DNMT3B: variants seen among roughly 807,000 people sequenced by gnomAD.
DNMT3B encodes DNA (cytosine-5)-methyltransferase 3B.
Under a neutral mutation model 120.2 loss-of-function variants are expected in DNMT3B, and 37 were observed. The ratio of observed to expected loss-of-function variants is 0.31; its 90% confidence interval spans 0.24 to 0.40. The LOEUF (loss-of-function observed/expected upper bound fraction) is 0.40, where lower values mean the gene tolerates loss of function less well. DNMT3B is among the 10% of genes least tolerant of loss of function. The pLI, the probability that DNMT3B is intolerant of heterozygous loss-of-function variation, is 1.00. For missense variants in DNMT3B, 878 were observed against 1,137.3 expected (o/e 0.77, Z 3.28); for synonymous variants, 412 against 442.8 (o/e 0.93, Z 0.87).
At chr20:32,787,085 G>C (rs1664028467) in intron 5 of DNMT3B, 145 bp from the exon 6 acceptor site, 5 of 949,068 alleles carry the variant, frequency 5.3e-6, no homozygotes, top group Non-Finnish European at 8.4e-6. Flanking sequence ...ACGTGTTCCT[G>C]GAAAAGTTTC....
rs1980546839 is a variant in DNMT3B, at chr20:32,795,750, C to A, written c.1297+56C>A. 7.5e-6 allele frequency: 12 copies of A among 1,604,768 alleles called. No individual in the cohort carries two copies. In the South Asian group the frequency reaches 1.3e-4, roughly 18 times the overall value. On this transcript the variant is annotated intron_variant, in intron 12 of 22. Transcript: ENST00000328111. ...TCACACCCTGGCTAGGGCTCTAGGC[C>A]TGCCTTGTCCTGGCTCATCCACCCT... is the stretch of plus-strand genomic sequence containing the variant.
chr20:32,786,397 G>A (rs1272789668), intron 4 of DNMT3B, 105 bp from the exon 5 acceptor site: 2 of 1,528,906 alleles, frequency 1.3e-6, no homozygotes, highest in Non-Finnish European at 1.8e-6. Flanking sequence ...CCTGAAGCTG[G>A]CTACCAGGTC....
rs771313778 is a variant in DNMT3B at position 32,798,516 on chromosome 20, C to T, written c.1547C>T (p.Ala516Val). Residue 516 changes from alanine (A) to valine (V), a missense_variant, in exon 15 of 23, where the codon GCC (alanine) becomes GTC (valine). By Grantham distance (64) the Ala-to-Val change is moderately conservative. This residue lies in a region of DNMT3B where 334 missense variants were observed against 518.8 expected (regional missense o/e 0.64). Coordinates refer to ENST00000328111, the MANE Select transcript of DNMT3B (RefSeq NM_006892.4). ...VLVGTGTAAE[A>V]KLQEPWSCYM... ...GTGGGCACAGGCACAGCGGCCGAGG[C>T]CAAGCTTCAGGAGCCCTGGAGCTGT... is the stretch of plus-strand genomic sequence containing the variant. 1 of 1,614,092 alleles carries T rather than the reference C, an allele frequency of 6.2e-7. No homozygotes were observed.
chr20:32,795,834 C>A, intron 12 of DNMT3B, 140 bp downstream of exon 12: 1 of 1,098,922 alleles, frequency 9.1e-7, no homozygotes, highest in Non-Finnish European at 1.3e-6. Flanking sequence ...ATTTCTGGAC[C>A]CTGCATCTTA....
intron 3 of DNMT3B, among the ~76,000 whole-genome samples, chr20:32,782,660 C>G (rs912265796): frequency 2.0e-5 from 3 of 152,152 alleles, no homozygotes; most frequent in African/African-American, 7.2e-5. Context: ...TGTAATTGCT[C>G]TATTTTATTA....
chr20:32,786,874 C>T (rs1435031826), intron 5 of DNMT3B, among the ~76,000 whole-genome samples: 6 of 152,228 alleles, frequency 3.9e-5, no homozygotes, highest in African/African-American at 1.2e-4. Context: ...GGTTCTTGCT[C>T]TAACTTGGAA....
rs4911263 is a variant in DNMT3B at position 32,805,997 on chromosome 20, T to C, written c.2302-212T>C. Among the ~76,000 whole-genome samples, 120,987 of 151,934 alleles carry C rather than the reference T, an allele frequency of 0.8. 49,161 individuals are homozygous for C. Among genetic ancestry groups the C allele is most frequent in the East Asian group, 0.99 (5,131 of 5,158 alleles). The stretch of plus-strand genomic sequence containing the variant: ...GTGGGAAGCACAAAATGTTCTTGTC[T>C]CTCCAACTCTGCTTTTCGCTCCCTG... On this transcript the variant is annotated intron_variant, in intron 21 of 22. Transcript: ENST00000328111.
intron 20 of DNMT3B, among the ~76,000 whole-genome samples, chr20:32,804,111 G>C (rs6119967): frequency 0.073 from 11,093 of 152,238 alleles, 1,229 homozygotes; most frequent in African/African-American, 0.24. Flanking sequence ...TTCAACATAT[G>C]TGGAGGGTAG....
intron 16 of DNMT3B, among the ~76,000 whole-genome samples, chr20:32,799,821 C>G (rs1434458248): frequency 6.6e-6 from 1 of 152,226 alleles, no homozygotes; most frequent in East Asian, 1.9e-4. Flanking sequence ...CCTGGGCAGT[C>G]TTGGTCATTT....
intron 17 of DNMT3B, 147 bp from the exon 18 acceptor site, chr20:32,800,688 A>T: frequency 1.1e-6 from 1 of 890,398 alleles, no homozygotes; most frequent in Non-Finnish European, 1.9e-6. Context: ...CGAACTCCTG[A>T]CCTCAGGTAA....
intron 6 of DNMT3B, among the ~76,000 whole-genome samples, chr20:32,788,025 A>C (rs567379125): frequency 1.2e-4 from 18 of 152,292 alleles, no homozygotes; most frequent in Admixed American, 9.8e-4. Context: ...ACTTAAGGCA[A>C]GGACCGGCCA....
At position 32,784,791 on chromosome 20, in the gene DNMT3B, G is replaced by T. The variant is rs755581749; in HGVS notation, c.238G>T (p.Asp80Tyr). The T allele has an allele frequency of 1.2e-6, 2 of 1,614,014 alleles. No individual in the cohort carries two copies. The highest frequency in any genetic ancestry group is 1.7e-6 in the Non-Finnish European group (2 of 1,180,042). Reference sequence around the variant, plus strand: ...AGGCGATGGCGACGGGGAAGATGGGGATGGCTCTGACACCCCAGTCATGCC... The same window carrying T: ...AGGCGATGGCGACGGGGAAGATGGGTATGGCTCTGACACCCCAGTCATGCC... The part of the protein sequence containing the change: ...LTGDGDGEDG[D>Y]GSDTPVMPKL... Residue 80 changes from aspartate (D) to tyrosine (Y), a missense_variant, in exon 4 of 23, where the codon GAT becomes TAT. By Grantham distance (160) the Asp-to-Tyr change is radical. Coordinates refer to ENST00000328111, the MANE Select transcript of DNMT3B (RefSeq NM_006892.4).
At chr20:32,764,938 C>T (rs181418880) in intron 1 of DNMT3B, among the ~76,000 whole-genome samples, 2 of 152,304 alleles carry the variant, frequency 1.3e-5, no homozygotes, top group African/African-American at 4.8e-5. Context: ...GCGCCTGTCG[C>T]CCCTCATTAT....
At chr20:32,764,647 C>T (rs1335590468) in intron 1 of DNMT3B, among the ~76,000 whole-genome samples, 2 of 152,200 alleles carry the variant, frequency 1.3e-5, no homozygotes, top group African/African-American at 4.8e-5. Context: ...GCCCTCCCGG[C>T]CACGCATGGG....
chr20:32,773,942 T>TTTTTG (rs1555833850), intron 1 of DNMT3B, among the ~76,000 whole-genome samples: 2 of 142,618 alleles, frequency 1.4e-5, no homozygotes, highest in East Asian at 4.1e-4. Flanking sequence ...TGGTTTTTTT[T>TTTTTG]TTTTTTTTTT....
intron 1 of DNMT3B, among the ~76,000 whole-genome samples, chr20:32,772,873 C>CGTTTTTT (rs1568822680): frequency 1.0e-5 from 1 of 97,584 alleles, no homozygotes; most frequent in African/African-American, 5.1e-5. Context: ...TGTTTGGACA[C>CGTTTTTT]ATTTTTTTTT....
At position 32,786,482 on chromosome 20, in the gene DNMT3B, G is replaced by A. The variant is rs760264364; in HGVS notation, c.307-20G>A. 8 of 1,613,834 alleles carry A rather than the reference G, an allele frequency of 5.0e-6. No homozygotes were observed. The South Asian group carries it at 7.7e-5, about 16-fold the overall frequency. On this transcript the variant is annotated intron_variant, in intron 4 of 22. Coordinates refer to ENST00000328111, the MANE Select transcript of DNMT3B (RefSeq NM_006892.4). ...CCTCCAGTCACCTAAGGCCCAGTGA[G>A]TGTCCTCTCTTGCTTCTAGGTCCGA...
chr20:32,768,474 G>A (rs11699834), intron 1 of DNMT3B, among the ~76,000 whole-genome samples: 27,464 of 152,120 alleles, frequency 0.18, 2,664 homozygotes, highest in South Asian at 0.3. Flanking sequence ...TTACAGGCAT[G>A]AGCCTCTGTG....
Position 32,784,783 on chromosome 20 carries a change from A to C in DNMT3B, c.230A>C (p.Glu77Ala). Residue 77 changes from glutamate (E) to alanine (A), a missense_variant, in exon 4 of 23, where the codon GAA becomes GCA. Glu to Ala is a moderately radical substitution (Grantham distance 107, BLOSUM62 -1). This residue lies in a region of DNMT3B where 287 missense variants were observed against 306.2 expected (regional missense o/e 0.94). Transcript: ENST00000328111. ...TQDLTGDGDG[E>A]DGDGSDTPVM... ...GACTTGACAGGCGATGGCGACGGGG[A>C]AGATGGGGATGGCTCTGACACCCCA... 6.2e-7 allele frequency: 1 copy of C among 1,614,082 alleles called. No individual in the cohort carries two copies. The highest frequency in any genetic ancestry group is 8.5e-7 in the Non-Finnish European group (1 of 1,180,008).
Sources: gnomAD v4.1 joint callset for allele counts (sites outside exome capture counted in the v4.1 genomes callset) on GRCh38, gnomAD v4.1.1 for gene constraint, gnomAD v4.1.1 regional missense constraint, MANE v1.5 for transcripts, NCBI Gene and HGNC (gene_info 2026-07-23, HGNC 2026-07-21) for gene names.